Variants in FAHD1 observed in about 807,000 individuals in gnomAD.
The protein encoded by FAHD1 is FAH domain containing oxaloacetate decarboxylase 1.
A neutral mutation model predicts 12.7 loss-of-function variants in FAHD1; 14 were observed. The ratio of observed to expected loss-of-function variants is 1.10; its 90% CI spans 0.73 to 1.72. The LOEUF is 1.72. FAHD1 is among the 40% of genes most tolerant of loss of function. FAHD1 has a pLI of 0.00. For missense variants in FAHD1, 351 were observed against 298.9 expected (o/e 1.17, Z -1.29); for synonymous variants, 153 against 124.9 (o/e 1.22, Z -1.50).
intron 1 of FAHD1, among the ~76,000 whole-genome samples, chr16:1,834,947 C>G (rs868108535): frequency 1.4e-5 from 2 of 143,668 alleles, no homozygotes; most frequent in African/African-American, 5.2e-5. Context: ...CCCACCCCCC[C>G]CCACTAAAAA....
chr16:1,834,507 C>A, intron 1 of FAHD1: 1 of 537,168 alleles, frequency 1.9e-6, no homozygotes, highest in Non-Finnish European at 3.3e-6. Flanking sequence ...TCCATTAGAG[C>A]TGTAAGATGA....
chr16:1,827,541 C>A, exon 1 of FAHD1: 1 of 1,613,310 alleles, frequency 6.2e-7, no homozygotes, highest in Non-Finnish European at 8.5e-7. Context: ...TGGATATGAC[C>A]GCCCGGGACG....
exon 1 of FAHD1, chr16:1,827,937 A>C: frequency 3.1e-6 from 5 of 1,599,218 alleles, no homozygotes; most frequent in Non-Finnish European, 3.4e-6. Context: ...GAGAGAAGGG[A>C]GCAAGACAAG....
downstream of FAHD1, chr16:1,828,952 G>C: frequency 5.0e-6 from 5 of 996,600 alleles, no homozygotes; most frequent in Non-Finnish European, 4.8e-6. Flanking sequence ...GTAATGACGA[G>C]GAGGGATATT....
At chr16:1,834,435 A>T (rs529183883) in intron 1 of FAHD1, 49 of 828,294 alleles carry the variant, frequency 5.9e-5, no homozygotes, top group Non-Finnish European at 9.6e-5. Flanking sequence ...CAAGTTGAAA[A>T]ATCAATGATC....
downstream of FAHD1, among the ~76,000 whole-genome samples, chr16:1,831,196 A>G (rs9944346): frequency 0.13 from 20,003 of 152,224 alleles, 1,341 homozygotes; most frequent in South Asian, 0.16. Context: ...ATATATCACG[A>G]ACATATTTCC....
chr16:1,832,731 C>T (rs1898646354), downstream of FAHD1, among the ~76,000 whole-genome samples: 1 of 151,848 alleles, frequency 6.6e-6, no homozygotes, highest in Admixed American at 6.6e-5. Context: ...CAGTGGGAGC[C>T]AAGCCAGCAC....
chr16:1,839,557 T>A (rs543625746), exon 3 of FAHD1: 1 of 857,728 alleles, frequency 1.2e-6, no homozygotes, highest in Non-Finnish European at 1.8e-6. Context: ...TTACTGAGTG[T>A]TCAGTGCTAT....
At chr16:1,838,041 A>G (rs904493446) in exon 2 of FAHD1, 2 of 1,292,550 alleles carry the variant, frequency 1.5e-6, no homozygotes, top group South Asian at 3.2e-5. Context: ...CTGTCGCCCA[A>G]GCTGGAGTGC....
At chr16:1,832,796 A>C (rs1898647780), downstream of FAHD1, among the ~76,000 whole-genome samples, 1 of 151,682 alleles carries the variant, frequency 6.6e-6, no homozygotes, top group East Asian at 2.0e-4. Flanking sequence ...CACCCTCCCC[A>C]TTCACCTGGC....
chr16:1,828,637 CACA>C (rs1898561648), exon 1 of FAHD1: 3 of 981,440 alleles, frequency 3.1e-6, no homozygotes, highest in South Asian at 4.8e-5. Flanking sequence ...TAAAAATCTC[CACA>C]AATTACTGGC....
chr16:1,828,959 T>A, downstream of FAHD1: 1 of 987,660 alleles, frequency 1.0e-6, no homozygotes, highest in Non-Finnish European at 1.2e-6. Context: ...CGAGGAGGGA[T>A]ATTTCCTCCT....
At position 1,838,173 on chromosome 16, in the gene FAHD1, TA is replaced by T. The variant is rs1320082002; in HGVS notation, c.*8+40del. The T allele has an allele frequency of 3.0e-5, 15 of 496,992 alleles. No individual in the cohort carries two copies. In the Middle Eastern group the frequency reaches 1.7e-3, roughly 56 times the overall value. The allele number at this position is 496,992 out of a possible 1,614,324, so 30.8% of individuals were successfully genotyped here. On this transcript the variant is annotated intron_variant, in intron 2 of 2. Coordinates refer to the FAHD1 transcript ENST00000382666. ...TTCTCTGGCTAATTGTTTTATGTTTTATGTTTTGTAGAGACAGGGTCTCACT... is the reference window on the plus strand; with the variant it reads ...TTCTCTGGCTAATTGTTTTATGTTTTTGTTTTGTAGAGACAGGGTCTCACT...
chr16:1,830,291 T>C (rs1286409018), downstream of FAHD1, among the ~76,000 whole-genome samples: 1 of 152,266 alleles, frequency 6.6e-6, no homozygotes, highest in African/African-American at 2.4e-5. Flanking sequence ...GCCTCCATTT[T>C]TGGACCTTGA....
At position 1,839,534 on chromosome 16, in the gene FAHD1, G is replaced by A. The variant is rs778253121; in HGVS notation, c.*281G>A. On this transcript the variant is annotated 3_prime_UTR_variant, in exon 3 of 3. Transcript: ENST00000382666. The stretch of plus-strand genomic sequence containing the variant: ...AATTGTCACTAAAAACTCTACGACA[G>A]TGTGTGGAAAACTTACTGAGTGTTC... The A allele has an allele frequency of 1.4e-5, 16 of 1,175,624 alleles. No homozygotes were observed. In the Admixed American group the frequency reaches 1.8e-4, roughly 13 times the overall value. The allele number at this position is 1,175,624 out of a possible 1,614,324, so 72.8% of individuals were successfully genotyped here. A position where few individuals can be genotyped will look rare whatever the true frequency, so the allele number is the denominator to read the frequency against.
At chr16:1,827,438 A>G in exon 1 of FAHD1, 2 of 1,610,356 alleles carry the variant, frequency 1.2e-6, no homozygotes, top group African/African-American at 1.3e-5. Flanking sequence ...AACCTGCACC[A>G]CGAGCTGGAG....
intron 1 of FAHD1, among the ~76,000 whole-genome samples, chr16:1,836,754 T>C (rs1206470632): frequency 6.8e-6 from 1 of 147,196 alleles, no homozygotes; most frequent in Non-Finnish European, 1.5e-5. Context: ...TGAAAACTAA[T>C]TTCATAATAA....
At chr16:1,829,326 T>C (rs1898581712), downstream of FAHD1, among the ~76,000 whole-genome samples, 1 of 152,222 alleles carries the variant, frequency 6.6e-6, no homozygotes, top group Admixed American at 6.5e-5. Flanking sequence ...CAGTTTATTC[T>C]GTATTTCCAC....
Position 1,837,769 on chromosome 16 carries a change from A to G in FAHD1, c.628-247A>G, listed in dbSNP as rs1430931737. 2.2e-6 allele frequency: 3 copies of G among 1,336,196 alleles called. No individual in the cohort carries two copies. The African/African-American group carries it at 4.5e-5, about 20-fold the overall frequency. The allele number at this position is 1,336,196 out of a possible 1,614,324, so 82.8% of individuals were successfully genotyped here. ...TAAATATATAGAATAATATGGGACT[A>G]TAAAATGCACTAACTTTTAAATAAA... On this transcript the variant is annotated intron_variant, in intron 1 of 2. Coordinates refer to the FAHD1 transcript ENST00000382666.
Sources: gnomAD v4.1 joint callset for allele counts (sites outside exome capture counted in the v4.1 genomes callset) on GRCh38, gnomAD v4.1.1 for gene constraint, MANE v1.5 for transcripts, NCBI Gene and HGNC (gene_info 2026-07-23, HGNC 2026-07-21) for gene names.